The following CD163L1 variants were observed in gnomAD, a reference collection of about 807,000 sequenced individuals.
CD163L1 encodes the protein scavenger receptor cysteine-rich type 1 protein M160.
Under a neutral mutation model 165.4 loss-of-function variants are expected in CD163L1, and 124 were observed. The ratio of observed to expected loss-of-function variants is 0.75; its 90% CI spans 0.65 to 0.87. CD163L1 has a LOEUF of 0.87. CD163L1 is among the 40% of genes least tolerant of loss of function. The pLI is 0.00. For missense variants in CD163L1, 1,525 were observed against 1,799.9 expected (o/e 0.85, Z 2.76); for synonymous variants, 585 against 662.2 (o/e 0.88, Z 1.79).
rs757689392 is a variant in CD163L1, at chr12:7,433,450, A to G, written c.369T>C (p.Ala123=). The part of the protein sequence containing the change: ...DDVSCYGNES[A]LWECQHREWG... ...ATTCCCGGTGTTGACATTCCCAGAG[A>G]GCTGACTCATTTCCATAACAGGAAA... Residue 123 remains alanine (A), a synonymous_variant, in exon 3 of 20, where the codon GCT becomes GCC. Transcript: ENST00000313599. 4 of 1,613,912 alleles carry G rather than the reference A, an allele frequency of 2.5e-6. No individual in the cohort carries two copies. Among genetic ancestry groups the G allele is most frequent in the Non-Finnish European group, 8.5e-7 (1 of 1,179,866 alleles).
In CD163L1 at chr12:7,380,721, A is replaced by G. The variant is rs763292827; in HGVS notation, c.2051-1423T>C. Among the ~76,000 whole-genome samples, 4 of 152,300 alleles carry G rather than the reference A, an allele frequency of 2.6e-5. No individual in the cohort carries two copies. In the East Asian group the frequency reaches 7.7e-4, roughly 29 times the overall value. The stretch of plus-strand genomic sequence containing the variant: ...TGAGTGCATCAAAATCTCACAAATC[A>G]AAACTAAAGAACTTACTCATGTAAC... On this transcript the variant is annotated intron_variant, in intron 8 of 19. Transcript: ENST00000313599.
chr12:7,436,411 T>A (rs759127596), intron 2 of CD163L1, among the ~76,000 whole-genome samples: 4 of 152,218 alleles, frequency 2.6e-5, no homozygotes, highest in African/African-American at 9.6e-5. Flanking sequence ...ATAAGAAAAT[T>A]GCACAAATAA....
At chr12:7,443,975 T>A (rs772522507) in intron 1 of CD163L1, 122 bp downstream of exon 1, 1 of 922,126 alleles carries the variant, frequency 1.1e-6, no homozygotes, top group South Asian at 2.2e-5. Context: ...TTTTTTATAT[T>A]TCTCATGTCC....
rs7133075 is a variant in CD163L1 at position 7,409,137 on chromosome 12, C to T, written c.767-2285G>A. 6.6e-3 allele frequency among the ~76,000 whole-genome samples: 1,009 copies of T among 151,996 alleles called. 8 individuals are homozygous for T. The highest frequency in any genetic ancestry group is 0.023 in the African/African-American group (970 of 41,468). The stretch of plus-strand genomic sequence containing the variant: ...TGTTATGTATTTTAAAAGAGACAGT[C>T]AATAGATAAGGAATATTAATTCAAA... On this transcript the variant is annotated intron_variant, in intron 4 of 19. Transcript: ENST00000313599.
chr12:7,418,558 A>G (rs1948289786), intron 4 of CD163L1, among the ~76,000 whole-genome samples: 1 of 152,058 alleles, frequency 6.6e-6, no homozygotes, highest in Admixed American at 6.6e-5. Flanking sequence ...ATGAAATTGA[A>G]AAACAACAAC....
At chr12:7,421,904 CAAG>C (rs1228000961) in intron 4 of CD163L1, among the ~76,000 whole-genome samples, 1 of 151,922 alleles carries the variant, frequency 6.6e-6, no homozygotes, top group Non-Finnish European at 1.5e-5. Flanking sequence ...CAGATCCTGA[CAAG>C]GAGGGTTCTA....
intron 9 of CD163L1, 146 bp from the exon 10 acceptor site, chr12:7,376,160 A>C (rs1367169632): frequency 1.0e-5 from 7 of 675,712 alleles, no homozygotes; most frequent in Non-Finnish European, 9.8e-6. Context: ...CAAGATTAGC[A>C]GTACAGACTT....
rs770896779 is a variant in CD163L1 at position 7,429,038 on chromosome 12, G to A, written c.766+3378C>T. ...TATTGTGTTATGTGCCAAAATTGTT[G>A]AACATAATCAGAAGATATGTGTAGC... On this transcript the variant is annotated intron_variant, in intron 4 of 19. Transcript: ENST00000313599. Among the ~76,000 whole-genome samples the A allele has an allele frequency of 1.1e-4, 17 of 151,932 alleles. No homozygotes were observed. In the East Asian group the frequency reaches 3.1e-3, roughly 28 times the overall value.
At chr12:7,345,884 G>A (rs1946666365), downstream of CD163L1, among the ~76,000 whole-genome samples, 1 of 152,156 alleles carries the variant, frequency 6.6e-6, no homozygotes, top group Admixed American at 6.5e-5. Context: ...GCAAGGGCAG[G>A]AGTGAAAGAG....
At chr12:7,338,161 G>A in the CD163L1 span, among the ~76,000 whole-genome samples, 9 of 152,078 alleles carry the variant, frequency 5.9e-5, no homozygotes, top group Non-Finnish European at 8.8e-5. Flanking sequence ...ACTGGGGCTT[G>A]TCGGAGGAAG....
rs749563632 is a variant in CD163L1 at position 7,396,341 on chromosome 12, C to T, written c.1804G>A (p.Gly602Arg). 6 of 1,613,946 alleles carry T rather than the reference C, an allele frequency of 3.7e-6. No individual in the cohort carries two copies. Among genetic ancestry groups the T allele is most frequent in the African/African-American group, 1.3e-5 (1 of 74,942 alleles). Residue 602 changes from glycine (G) to arginine (R), a missense_variant, in exon 8 of 20, where the codon GGA becomes AGA. Transcript: ENST00000313599. ...CSGRLEVYFQGRWGTVCDDGW... is the reference protein window; with the variant it reads ...CSGRLEVYFQRRWGTVCDDGW... ...TCATCACACACTGTGCCCCACCGTC[C>T]TTGAAAGTACACCTCCAGTCTTCCC...
chr12:7,362,989 G>A (rs775944187), intron 18 of CD163L1, among the ~76,000 whole-genome samples: 4 of 151,706 alleles, frequency 2.6e-5, no homozygotes, highest in Non-Finnish European at 5.9e-5. Flanking sequence ...AAATGGAAAT[G>A]AAAACACAAC....
At chr12:7,325,227 T>C in the CD163L1 span, among the ~76,000 whole-genome samples, 1 of 152,234 alleles carries the variant, frequency 6.6e-6, no homozygotes, top group Admixed American at 6.5e-5. Flanking sequence ...GTTAGGGTAA[T>C]ACTCCATAGG....
chr12:7,426,186 C>A (rs1249925193), intron 4 of CD163L1, among the ~76,000 whole-genome samples: 1 of 152,032 alleles, frequency 6.6e-6, no homozygotes, highest in African/African-American at 2.4e-5. Context: ...CAAATTAACA[C>A]AAGAACAGAA....
chr12:7,349,242 A>G lies in CD163L1; in HGVS notation c.*25-2095T>C, dbSNP rs1194950367. Among the ~76,000 whole-genome samples the G allele has an allele frequency of 4.6e-5, 7 of 152,330 alleles. No individual in the cohort carries two copies. In the East Asian group the frequency reaches 1.4e-3, roughly 29 times the overall value. On this transcript the variant is annotated intron_variant, in intron 4 of 4. Transcript: ENST00000539726. ...CCCTTAATTATATATTGATTTTTAA[A>G]TTATATCCTAGGTTGTCTGTTAAAT...
At chr12:7,331,862 A>G in the CD163L1 span, among the ~76,000 whole-genome samples, 1 of 152,244 alleles carries the variant, frequency 6.6e-6, no homozygotes, top group Admixed American at 6.5e-5. Flanking sequence ...CGGAAAATCT[A>G]AAAATCAGAG....
rs752492522 is a variant in CD163L1 at position 7,425,936 on chromosome 12, T to C, written c.766+6480A>G. 1.6e-4 allele frequency among the ~76,000 whole-genome samples: 25 copies of C among 152,330 alleles called. No individual in the cohort carries two copies. The South Asian group carries it at 3.5e-3, about 21-fold the overall frequency. On this transcript the variant is annotated intron_variant, in intron 4 of 19. Transcript: ENST00000313599. ...ATACCATTTGACCCATCAATCCCAT[T>C]ACTGGGTAAATACCCAAAGATTATA...
chr12:7,320,711 T>C, the CD163L1 span: 1 of 1,604,086 alleles, frequency 6.2e-7, no homozygotes, highest in Non-Finnish European at 8.5e-7. Flanking sequence ...TCTGTGTCTT[T>C]CTCCATCATC....
chr12:7,319,879 T>C, the CD163L1 span, among the ~76,000 whole-genome samples: 1 of 152,270 alleles, frequency 6.6e-6, no homozygotes, highest in Non-Finnish European at 1.5e-5. Flanking sequence ...AAAAATCATG[T>C]GTGTATTTTA....
Sources: allele counts gnomAD v4.1 joint callset (sites outside exome capture counted in the v4.1 genomes callset), GRCh38; gene constraint gnomAD v4.1.1; transcripts MANE v1.5; gene names NCBI Gene and HGNC (gene_info 2026-07-23, HGNC 2026-07-21).